The following PEAR1 variants were observed in gnomAD, a reference collection of about 807,000 sequenced individuals.
The protein encoded by PEAR1 is platelet endothelial aggregation receptor 1.
PEAR1 carries 113 observed loss-of-function variants against 131.2 expected under a neutral mutation model. The ratio of observed to expected loss-of-function variants is 0.86; its 90% CI spans 0.74 to 1.01. The LOEUF is 1.01. Among genes scored for constraint, PEAR1 ranks in the 50% least tolerant of loss-of-function variants. PEAR1 has a pLI of 0.00. For synonymous variants in PEAR1, 565 were observed against 523.3 expected (o/e 1.08, Z -1.09); for missense variants, 1,408 against 1,391.1 (o/e 1.01, Z -0.19).
At chr1:156,904,525 AG>A (rs1250259645) in intron 2 of PEAR1, among the ~76,000 whole-genome samples, 1 of 152,170 alleles carries the variant, frequency 6.6e-6, no homozygotes, top group African/African-American at 2.4e-5. Context: ...TAGAGTGGGA[AG>A]GGCGCTCTGA....
chr1:156,903,299 G>C (rs576998424), intron 1 of PEAR1, among the ~76,000 whole-genome samples: 33 of 152,142 alleles, frequency 2.2e-4, no homozygotes, highest in Non-Finnish European at 3.5e-4. Flanking sequence ...GCCTGCATAT[G>C]TCCAGTGACA....
At position 156,906,858 on chromosome 1, in the gene PEAR1, C is replaced by T. The variant is rs139898840; in HGVS notation, c.622C>T (p.Pro208Ser). Reference protein sequence around the residue: ...CDPQTGACFCPAERTGPSCDV... With the variant: ...CDPQTGACFCSAERTGPSCDV... ...TCCCCAGACTGGAGCCTGCTTCTGC[C>T]CCGCAGAGAGAACTGGGCCCAGGTA... The change falls in exon 6 of 23, where the codon CCC becomes TCC. Residue 208 changes from proline (P) to serine (S), a missense_variant. Pro to Ser is a moderately conservative substitution (Grantham distance 74). Coordinates refer to ENST00000292357, the MANE Select transcript of PEAR1 (RefSeq NM_001080471.3). 14 of 1,613,956 alleles carry T rather than the reference C, an allele frequency of 8.7e-6. No individual in the cohort carries two copies. The Admixed American group carries it at 2.3e-4, about 27-fold the overall frequency.
At chr1:156,895,144 C>T (rs956504902) in intron 1 of PEAR1, among the ~76,000 whole-genome samples, 52 of 152,228 alleles carry the variant, frequency 3.4e-4, no homozygotes, top group African/African-American at 1.2e-3. Context: ...ACTTCTCTGC[C>T]TTCCTCTCTC....
chr1:156,906,356 G>T lies in PEAR1; in HGVS notation c.388G>T (p.Asp130Tyr). Reference protein sequence around the residue: ...CQCVPGWRGDDCSSECAPGMW... With the variant: ...CQCVPGWRGDYCSSECAPGMW... ...ATGTGTGCCAGGCTGGCGGGGCGACGACTGTTCCAGTGGTGAGTGGCTACT... is the reference window on the plus strand; with the variant it reads ...ATGTGTGCCAGGCTGGCGGGGCGACTACTGTTCCAGTGGTGAGTGGCTACT... Residue 130 changes from aspartate (D) to tyrosine (Y), a missense_variant, in exon 5 of 23, where the codon GAC becomes TAC. Coordinates refer to ENST00000292357, the MANE Select transcript of PEAR1 (RefSeq NM_001080471.3). The T allele has an allele frequency of 6.2e-7, 1 of 1,614,148 alleles. No homozygotes were observed. Among genetic ancestry groups the T allele is most frequent in the South Asian group, 1.1e-5 (1 of 91,058 alleles).
At chr1:156,904,508 G>A (rs896701842) in intron 2 of PEAR1, among the ~76,000 whole-genome samples, 83 of 152,250 alleles carry the variant, frequency 5.5e-4, no homozygotes, top group African/African-American at 1.9e-3. Context: ...GGAAGGCTCC[G>A]GTCCAATAGA....
At chr1:156,901,184 C>T (rs71630642) in intron 1 of PEAR1, among the ~76,000 whole-genome samples, 2 of 152,240 alleles carry the variant, frequency 1.3e-5, no homozygotes. Context: ...GCTGATGCCT[C>T]CTCCGCACTC....
rs746262700 is a variant in PEAR1 at position 156,904,757 on chromosome 1, C to T, written c.111C>T (p.Thr37=). 1.1e-5 allele frequency: 17 copies of T among 1,611,208 alleles called. No individual in the cohort carries two copies. In the African/African-American group the frequency reaches 2.1e-4, roughly 20 times the overall value. ...NTCSFWESFT[T]TTKESHSRPF... ...GTTCCCTGTCTTGCAGCTTCACTAC[C>T]ACCACCAAGGAGTCCCACTCCCGCC... The change falls in exon 3 of 23, where the codon ACC becomes ACT. Residue 37 remains threonine, a synonymous_variant. Transcript: ENST00000292357.
chr1:156,907,720 CT>C lies in PEAR1; in HGVS notation c.756del (p.Gly253AlafsTer124). The C allele has an allele frequency of 1.2e-6, 2 of 1,609,624 alleles. No homozygotes were observed. The highest frequency in any genetic ancestry group is 1.7e-6 in the Non-Finnish European group (2 of 1,177,570). ...QTPQGSCSCP[P>X]GWMGTICSLP... ...CCACAGGGCTCCTGCAGCTGCCCCC[CT>C]GGCTGGATGGTATGGAGGGTGGGGC... On this transcript the variant is annotated frameshift_variant, in exon 7 of 23. Transcript: ENST00000292357. LOFTEE classifies it high-confidence loss of function.
Position 156,906,328 on chromosome 1 carries a change from C to T in PEAR1, c.360C>T (p.Cys120=). The change falls in exon 5 of 23, where the codon TGC becomes TGT. Residue 120 remains cysteine (C), a synonymous_variant. Coordinates refer to ENST00000292357, the MANE Select transcript of PEAR1 (RefSeq NM_001080471.3). ...GCCGTTGTGTGGCACCCAATCAGTG[C>T]CAATGTGTGCCAGGCTGGCGGGGCG... ...VHGRCVAPNQ[C]QCVPGWRGDD... The T allele has an allele frequency of 1.9e-6, 3 of 1,614,184 alleles. No individual in the cohort carries two copies. Among genetic ancestry groups the T allele is most frequent in the Non-Finnish European group, 2.5e-6 (3 of 1,180,032 alleles).
chr1:156,908,332 C>T lies in PEAR1; in HGVS notation c.1107C>T (p.His369=). The part of the protein sequence containing the change: ...CQAPCTCDRE[H]SLSCHPMNGE... Reference sequence around the variant, plus strand: ...CCCCCTGCACCTGCGACCGGGAGCACAGCCTCAGGTGGGCCGCGGGACATG... The same window carrying T: ...CCCCCTGCACCTGCGACCGGGAGCATAGCCTCAGGTGGGCCGCGGGACATG... The change falls in exon 9 of 23, where the codon CAC becomes CAT. Residue 369 remains histidine (H), a synonymous_variant. Transcript: ENST00000292357. The surrounding 1 kb of genome is among the most constrained non-coding windows in gnomAD (Gnocchi z 4.2). 1 of 1,536,236 alleles carries T rather than the reference C, an allele frequency of 6.5e-7. No homozygotes were observed. The highest frequency in any genetic ancestry group is 1.4e-5 in the African/African-American group (1 of 73,704).
chr1:156,913,607 G>A (rs534504623), intron 20 of PEAR1, 84 bp downstream of exon 20: 171 of 1,596,978 alleles, frequency 1.1e-4, no homozygotes, highest in African/African-American at 4.0e-5. Context: ...GTCTGGAGAC[G>A]GGGGCTCTGG....
rs1427181632 is a variant in PEAR1 at position 156,909,808 on chromosome 1, G to T, written c.1469G>T (p.Cys490Phe). 3 of 1,614,004 alleles carry T rather than the reference G, an allele frequency of 1.9e-6. No homozygotes were observed. The highest frequency in any genetic ancestry group is 2.5e-6 in the Non-Finnish European group (3 of 1,179,892). ...CCACCCGGAACCTGGGGCTTCAGTTGCAATGCCAGCTGCCAGTGTGCCCAT... is the reference window on the plus strand; with the variant it reads ...CCACCCGGAACCTGGGGCTTCAGTTTCAATGCCAGCTGCCAGTGTGCCCAT... ...PCPPGTWGFS[C>F]NASCQCAHEA... The change falls in exon 12 of 23, where the codon TGC (cysteine) becomes TTC (phenylalanine). Residue 490 changes from cysteine to phenylalanine, a missense_variant. Physicochemically the swap from Cys to Phe is radical, Grantham distance 205. Coordinates refer to ENST00000292357, the MANE Select transcript of PEAR1 (RefSeq NM_001080471.3).
In PEAR1 at chr1:156,912,233, C is replaced by T; in HGVS notation, c.1952-14C>T. ...TGTACCTGCCCCACCAGACAGGCCC[C>T]ATGTCTCCCGTAGCATGCCCTCCAG... is the stretch of plus-strand genomic sequence containing the variant. On this transcript the variant is annotated splice_polypyrimidine_tract_variant and intron_variant, in intron 15 of 22. Coordinates refer to ENST00000292357, the MANE Select transcript of PEAR1 (RefSeq NM_001080471.3). The T allele has an allele frequency of 6.2e-7, 1 of 1,605,176 alleles. No individual in the cohort carries two copies. The highest frequency in any genetic ancestry group is 8.5e-7 in the Non-Finnish European group (1 of 1,176,298).
At chr1:156,914,249 C>A (rs146640686) in intron 22 of PEAR1, 149 bp downstream of exon 22, 11 of 1,283,840 alleles carry the variant, frequency 8.6e-6, no homozygotes, top group Non-Finnish European at 1.1e-5. Flanking sequence ...TCAGGCATGA[C>A]GGGGAGGCGA....
chr1:156,910,581 C>A lies in PEAR1; in HGVS notation c.1826-37C>A. The A allele has an allele frequency of 1.9e-6, 3 of 1,609,614 alleles. No homozygotes were observed. In the Middle Eastern group the frequency reaches 5.0e-4, roughly 267 times the overall value. Reference sequence around the variant, plus strand: ...GGGGTAAGGGCTGATTGAGGATTGGCCTCTGCCCCCAATCACCATGTACCC... The same window carrying A: ...GGGGTAAGGGCTGATTGAGGATTGGACTCTGCCCCCAATCACCATGTACCC... On this transcript the variant is annotated intron_variant, in intron 14 of 22. Transcript: ENST00000292357.
In PEAR1 at chr1:156,908,937, T is replaced by C. The variant is rs777649540; in HGVS notation, c.1312T>C (p.Cys438Arg). ...GYTGPHCASL[C>R]PPDTYGVNCS... ...TCAGGGCCCTCACTGTGCTAGTCTT[T>C]GTCCTCCTGACACCTACGGTGTCAA... is the stretch of plus-strand genomic sequence containing the variant. Residue 438 changes from cysteine to arginine, a missense_variant, in exon 11 of 23, where the codon TGT (cysteine) becomes CGT (arginine). Coordinates refer to ENST00000292357, the MANE Select transcript of PEAR1 (RefSeq NM_001080471.3). The surrounding 1 kb of genome is among the most constrained non-coding windows in gnomAD (Gnocchi z 4.2). 6.2e-7 allele frequency: 1 copy of C among 1,613,850 alleles called. No individual in the cohort carries two copies. Among genetic ancestry groups the C allele is most frequent in the East Asian group, 2.2e-5 (1 of 44,876 alleles).
intron 12 of PEAR1, 32 bp downstream of exon 12, chr1:156,909,946 T>C: frequency 1.2e-6 from 2 of 1,611,848 alleles, no homozygotes; most frequent in Non-Finnish European, 8.5e-7. Flanking sequence ...TGCCTGGGGG[T>C]GGGGAGGGCA....
chr1:156,900,650 G>A (rs368465182), intron 1 of PEAR1, among the ~76,000 whole-genome samples: 17 of 152,294 alleles, frequency 1.1e-4, no homozygotes, highest in South Asian at 4.1e-4. Flanking sequence ...TGAACGATAC[G>A]TGGGGTCACC....
In PEAR1 at chr1:156,906,481, C is replaced by T. The variant is rs1449175328; in HGVS notation, c.400+113C>T. On this transcript the variant is annotated intron_variant, in intron 5 of 22. Coordinates refer to ENST00000292357, the MANE Select transcript of PEAR1 (RefSeq NM_001080471.3). ...GGCTTAGGACCCCAGGGCGATTACC[C>T]GCCAGAGCCCCATTGCTGCCATCTG... 6.5e-5 allele frequency: 100 copies of T among 1,528,476 alleles called. No homozygotes were observed. The Middle Eastern group carries it at 1.6e-3, about 24-fold the overall frequency. 94.7% of individuals were successfully genotyped at this position (1,528,476 alleles called of 1,614,324 possible).
Sources: gnomAD v4.1 joint callset for allele counts (sites outside exome capture counted in the v4.1 genomes callset) on GRCh38, gnomAD v4.1.1 for gene constraint, Gnocchi (gnomAD v3.1) non-coding constraint, MANE v1.5 for transcripts, NCBI Gene and HGNC (gene_info 2026-07-23, HGNC 2026-07-21) for gene names.